OLFM2: variants seen among roughly 807,000 people sequenced by gnomAD.
OLFM2 encodes the protein olfactomedin 2.
In OLFM2, 20 loss-of-function variants were observed where a neutral mutation model predicts 43.9. That is an observed-to-expected ratio of 0.46 (90% confidence interval 0.32 to 0.66). The LOEUF (loss-of-function observed/expected upper bound fraction) is 0.66, where lower values mean the gene tolerates loss of function less well. Ranked by LOEUF, OLFM2 falls within the 30% of genes least tolerant of loss-of-function variation. The pLI, the probability that OLFM2 is intolerant of heterozygous loss-of-function variation, is 0.04. For missense variants in OLFM2, 416 were observed against 643.6 expected (o/e 0.65, Z 3.83); for synonymous variants, 268 against 278.6 (o/e 0.96, Z 0.38).
At chr19:9,902,351 A>C (rs2046747958) in intron 1 of OLFM2, among the ~76,000 whole-genome samples, 2 of 147,718 alleles carry the variant, frequency 1.4e-5, no homozygotes, top group Non-Finnish European at 3.0e-5. Flanking sequence ...TATTGAGGAC[A>C]CTGGATATAT....
intron 1 of OLFM2, among the ~76,000 whole-genome samples, chr19:9,893,644 G>A (rs1332603125): frequency 6.6e-6 from 1 of 152,130 alleles, no homozygotes; most frequent in Non-Finnish European, 1.5e-5. Flanking sequence ...CCCTTCCTGG[G>A]CACCTTCTCA....
intron 1 of OLFM2, among the ~76,000 whole-genome samples, chr19:9,907,294 A>C (rs748718592): frequency 6.6e-6 from 1 of 151,994 alleles, no homozygotes; most frequent in Non-Finnish European, 1.5e-5. Context: ...ATCTCTACTA[A>C]AAATACAAAA....
At position 9,865,485 on chromosome 19, in the gene OLFM2, C is replaced by CTTTTTTT. The variant is rs71188847; in HGVS notation, c.64-4698_64-4692dup. On this transcript the variant is annotated intron_variant, in intron 1 of 5. Coordinates refer to ENST00000264833, the MANE Select transcript of OLFM2 (RefSeq NM_058164.4). The stretch of plus-strand genomic sequence containing the variant: ...AGTCACTGTTACCTCTCTGTTTTTT[C>CTTTTTTT]TTTTTTTTTTTTTTTTTTTTTTTTG... Among the ~76,000 whole-genome samples the CTTTTTTT allele has an allele frequency of 4.3e-4, 32 of 73,638 alleles. 1 individual carries two copies. Among genetic ancestry groups the CTTTTTTT allele is most frequent in the Non-Finnish European group, 5.4e-4 (23 of 42,230 alleles). 48.3% of individuals were successfully genotyped at this position (73,638 alleles called of 152,430 possible).
intron 1 of OLFM2, among the ~76,000 whole-genome samples, chr19:9,933,524 C>T (rs1025425281): frequency 5.3e-5 from 8 of 151,460 alleles, no homozygotes; most frequent in Non-Finnish European, 1.0e-4. Context: ...AGGCGTGAGC[C>T]TCCATGCCCG....
intron 1 of OLFM2, among the ~76,000 whole-genome samples, chr19:9,880,210 A>G (rs2046527878): frequency 6.6e-6 from 1 of 152,158 alleles, no homozygotes; most frequent in Non-Finnish European, 1.5e-5. Context: ...GGAAGATGCA[A>G]TAGCTAAGTT....
chr19:9,898,264 G>C (rs2046704144), intron 1 of OLFM2, among the ~76,000 whole-genome samples: 1 of 148,014 alleles, frequency 6.8e-6, no homozygotes, highest in Admixed American at 6.8e-5. Flanking sequence ...GCTCATGCCT[G>C]TAATCTCAGT....
chr19:9,857,359 C>G lies in OLFM2; in HGVS notation c.484G>C (p.Ala162Pro). Residue 162 changes from alanine (A) to proline (P), a missense_variant, in exon 4 of 6, where the codon GCC (alanine) becomes CCC (proline). Transcript: ENST00000264833. The surrounding 1 kb of genome is among the most constrained non-coding windows in gnomAD (Gnocchi z 5.7). Reference sequence around the variant, plus strand: ...TAGGCACCCATCTCCTCCTGAATGGCCGCCAGACTGCCGGAGAGATTCCTC... The same window carrying G: ...TAGGCACCCATCTCCTCCTGAATGGGCGCCAGACTGCCGGAGAGATTCCTC... ...EVRNLSGSLA[A>P]IQEEMGAYGY... 1 of 1,614,196 alleles carries G rather than the reference C, an allele frequency of 6.2e-7. No homozygotes were observed. The highest frequency in any genetic ancestry group is 8.5e-7 in the Non-Finnish European group (1 of 1,180,024).
chr19:9,873,374 G>C (rs764139099), intron 1 of OLFM2, among the ~76,000 whole-genome samples: 1 of 152,066 alleles, frequency 6.6e-6, no homozygotes, highest in Non-Finnish European at 1.5e-5. Context: ...GGCTGGTCTT[G>C]AACTCCTGGG....
chr19:9,858,012 C>A, intron 2 of OLFM2, 151 bp from the exon 3 acceptor site: 1 of 918,346 alleles, frequency 1.1e-6, no homozygotes, highest in Non-Finnish European at 1.7e-6. Context: ...AGCAGCCTCC[C>A]AATTGCGTGC....
intron 1 of OLFM2, among the ~76,000 whole-genome samples, chr19:9,886,010 T>C (rs557642502): frequency 8.6e-5 from 13 of 151,528 alleles, no homozygotes; most frequent in African/African-American, 2.7e-4. Flanking sequence ...GGTGGGAGGA[T>C]TGCTAGAGCC....
chr19:9,863,188 C>T (rs1423154429), intron 1 of OLFM2, among the ~76,000 whole-genome samples: 1 of 151,936 alleles, frequency 6.6e-6, no homozygotes, highest in Admixed American at 6.6e-5. Context: ...CAGGACCATG[C>T]CTGGTGTGTT....
chr19:9,856,359 A>T lies in OLFM2; in HGVS notation c.687+448T>A, dbSNP rs1394170656. Reference sequence around the variant, plus strand: ...GTGATCCGCCCACCTCAGCCTCCCAAAGTGCTGGGATTACAGGCATGAGCC... The same window carrying T: ...GTGATCCGCCCACCTCAGCCTCCCATAGTGCTGGGATTACAGGCATGAGCC... On this transcript the variant is annotated intron_variant, in intron 5 of 5. Transcript: ENST00000264833. This position sits in a 1 kb window ranked among gnomAD's most constrained non-coding sequence, Gnocchi z 4.0. Among the ~76,000 whole-genome samples the T allele has an allele frequency of 6.6e-6, 1 of 152,126 alleles. No homozygotes were observed.
chr19:9,888,258 C>T (rs1234375283), intron 1 of OLFM2, among the ~76,000 whole-genome samples: 10 of 152,130 alleles, frequency 6.6e-5, no homozygotes. Flanking sequence ...CGCAGTGGCT[C>T]ATGTCTGTAA....
chr19:9,886,103 G>GA (rs71297593), intron 1 of OLFM2, among the ~76,000 whole-genome samples: 99,533 of 148,486 alleles, frequency 0.67, 34,216 homozygotes, highest in Admixed American at 0.77. Flanking sequence ...TCTCAAAAAA[G>GA]AAAAAAAAAA....
chr19:9,864,561 G>A lies in OLFM2; in HGVS notation c.64-3767C>T, dbSNP rs541943138. ...AGTGATCCGTCCACCTTGGCCTCCC[G>A]AAGTGCTGGGATTGCAGGCGAGAGC... On this transcript the variant is annotated intron_variant, in intron 1 of 5. Coordinates refer to ENST00000264833, the MANE Select transcript of OLFM2 (RefSeq NM_058164.4). 7.2e-5 allele frequency among the ~76,000 whole-genome samples: 11 copies of A among 151,972 alleles called. No homozygotes were observed. In the East Asian group the frequency reaches 1.2e-3, roughly 16 times the overall value.
chr19:9,884,509 G>A (rs959063612), intron 1 of OLFM2, among the ~76,000 whole-genome samples: 1 of 152,158 alleles, frequency 6.6e-6, no homozygotes, highest in Non-Finnish European at 1.5e-5. Flanking sequence ...CCTGGGAGGT[G>A]GAGGTTGCAC....
intron 1 of OLFM2, among the ~76,000 whole-genome samples, chr19:9,864,111 A>G (rs1361975189): frequency 1.3e-5 from 2 of 152,148 alleles, no homozygotes; most frequent in Non-Finnish European, 2.9e-5. Context: ...GCCAGCAGAA[A>G]ATACACCCAG....
intron 2 of OLFM2, among the ~76,000 whole-genome samples, chr19:9,859,904 G>C (rs1008205615): frequency 2.0e-5 from 3 of 152,156 alleles, no homozygotes; most frequent in African/African-American, 7.2e-5. Context: ...CACTTTGGGA[G>C]GCCAAGACAG....
At chr19:9,913,766 G>A (rs1292819372) in intron 1 of OLFM2, 5 of 726,078 alleles carry the variant, frequency 6.9e-6, no homozygotes, top group Non-Finnish European at 8.5e-6. Context: ...GGTCCGGGAC[G>A]GGGTGAGGGG....
Sources: allele counts gnomAD v4.1 joint callset (sites outside exome capture counted in the v4.1 genomes callset), GRCh38; gene constraint gnomAD v4.1.1; non-coding constraint Gnocchi (gnomAD v3.1); transcripts MANE v1.5; gene names NCBI Gene and HGNC (gene_info 2026-07-23, HGNC 2026-07-21).